Variants in CCM2 observed in about 807,000 individuals in gnomAD.
CCM2 encodes the protein cerebral cavernous malformations 2 protein.
A neutral mutation model predicts 44.9 loss-of-function variants in CCM2; 25 were observed. That is an observed-to-expected ratio of 0.56 (90% confidence interval 0.41 to 0.78). The LOEUF (loss-of-function observed/expected upper bound fraction) is 0.78. Ranked by LOEUF, CCM2 falls within the 30% of genes least tolerant of loss-of-function variation. The probability of loss-of-function intolerance (pLI) is 0.00; values close to 1 mark genes in which losing one functional copy is unlikely to be tolerated. For synonymous variants in CCM2, 219 were observed against 241.1 expected, an observed-to-expected ratio of 0.91 and a Z score of 0.85; for missense variants, 481 against 580.6, an observed-to-expected ratio of 0.83 and a Z score of 1.76.
intron 3 of CCM2, 81 bp downstream of exon 3, chr7:45,064,082 G>T: frequency 2.0e-6 from 2 of 985,968 alleles, no homozygotes; most frequent in Non-Finnish European, 1.6e-6. Context: ...CCTCGTGGCT[G>T]TGAGGAATGA....
At chr7:45,028,443 G>A (rs891611993) in intron 1 of CCM2, among the ~76,000 whole-genome samples, 5 of 152,136 alleles carry the variant, frequency 3.3e-5, no homozygotes, top group Admixed American at 2.0e-4. Flanking sequence ...GGATCAGGAG[G>A]TCAGGAGATC....
intron 1 of CCM2, among the ~76,000 whole-genome samples, chr7:45,028,333 G>A (rs1362274657): frequency 2.0e-5 from 3 of 152,124 alleles, no homozygotes; most frequent in Admixed American, 2.0e-4. Flanking sequence ...GCAAACAGGC[G>A]GTAGTGGGCA....
intron 1 of CCM2, among the ~76,000 whole-genome samples, chr7:45,010,279 C>T (rs1299996823): frequency 6.6e-6 from 1 of 152,116 alleles, no homozygotes; most frequent in Non-Finnish European, 1.5e-5. Context: ...TAACTGAAAC[C>T]CCTACTAAGA....
chr7:45,041,714 C>A (rs958353911), intron 2 of CCM2, among the ~76,000 whole-genome samples: 4 of 152,202 alleles, frequency 2.6e-5, no homozygotes, highest in African/African-American at 9.7e-5. Flanking sequence ...CCACTTACTC[C>A]TCCAGAGAAA....
At chr7:45,054,859 T>C (rs1562897757) in intron 2 of CCM2, among the ~76,000 whole-genome samples, 2 of 152,220 alleles carry the variant, frequency 1.3e-5, no homozygotes. Flanking sequence ...GGAGACAGGG[T>C]TCCCCAGGGC....
At chr7:45,021,711 A>T (rs973567932) in intron 1 of CCM2, among the ~76,000 whole-genome samples, 1 of 151,728 alleles carries the variant, frequency 6.6e-6, no homozygotes, top group Admixed American at 6.6e-5. Flanking sequence ...GCTGAGGAGG[A>T]GAATGGGGCA....
intron 1 of CCM2, among the ~76,000 whole-genome samples, chr7:45,036,240 T>C (rs1484063279): frequency 6.6e-6 from 1 of 152,136 alleles, no homozygotes; most frequent in Non-Finnish European, 1.5e-5. Flanking sequence ...CTTTCTGTTG[T>C]GTTTTTTGTT....
intron 1 of CCM2, among the ~76,000 whole-genome samples, chr7:45,023,123 A>G (rs1214856101): frequency 6.6e-6 from 1 of 151,680 alleles, no homozygotes; most frequent in Non-Finnish European, 1.5e-5. Flanking sequence ...CCTCCCTCCC[A>G]CTTTCTCCCT....
intron 1 of CCM2, among the ~76,000 whole-genome samples, chr7:45,005,184 C>T (rs1795796976): frequency 6.6e-6 from 1 of 152,108 alleles, no homozygotes; most frequent in African/African-American, 2.4e-5. Context: ...GAGAACCAGG[C>T]AGGAGGTGCT....
chr7:45,059,291 TAA>T (rs1376997687), intron 2 of CCM2, among the ~76,000 whole-genome samples: 4 of 151,976 alleles, frequency 2.6e-5, no homozygotes, highest in African/African-American at 9.7e-5. Flanking sequence ...ATTTTTTGTT[TAA>T]AAGTTTTGGC....
At chr7:45,052,152 G>T (rs993504847) in intron 2 of CCM2, among the ~76,000 whole-genome samples, 1 of 152,238 alleles carries the variant, frequency 6.6e-6, no homozygotes, top group Non-Finnish European at 1.5e-5. Context: ...AGCTGCTGCA[G>T]GCAGGAGAGG....
intron 1 of CCM2, chr7:45,027,915 T>G: frequency 1.9e-6 from 2 of 1,030,324 alleles, no homozygotes. Context: ...GGTAGCCCAG[T>G]CTCCATGACC....
chr7:45,028,901 T>C (rs1051489007), intron 1 of CCM2, among the ~76,000 whole-genome samples: 1 of 152,128 alleles, frequency 6.6e-6, no homozygotes, highest in Non-Finnish European at 1.5e-5. Flanking sequence ...TTCTTTGTCA[T>C]GGAGCTTGTA....
intron 1 of CCM2, among the ~76,000 whole-genome samples, chr7:45,022,475 T>G (rs1318363473): frequency 6.7e-6 from 1 of 149,410 alleles, no homozygotes; most frequent in Non-Finnish European, 1.5e-5. Context: ...CCCGGCTAAT[T>G]TTTTGTATTT....
chr7:45,054,486 TAAAAAA>T (rs35483777), intron 2 of CCM2, among the ~76,000 whole-genome samples: 2 of 147,272 alleles, frequency 1.4e-5, no homozygotes, highest in Non-Finnish European at 3.0e-5. Context: ...GGATCAATAT[TAAAAAA>T]AAAAACACTT....
At chr7:45,030,015 G>A (rs1215109945) in intron 1 of CCM2, among the ~76,000 whole-genome samples, 2 of 152,164 alleles carry the variant, frequency 1.3e-5, no homozygotes, top group Non-Finnish European at 2.9e-5. Flanking sequence ...TTTGCACAGC[G>A]CTGCATGGTG....
In CCM2 at chr7:45,061,438, C is replaced by T. The variant is rs185649911; in HGVS notation, c.205-2480C>T. 4.5e-3 allele frequency among the ~76,000 whole-genome samples: 674 copies of T among 149,286 alleles called. 3 individuals carry two copies. The highest frequency in any genetic ancestry group is 0.015 in the African/African-American group (603 of 40,596). ...GGATAACAGAATGCTCTGGTCATGC[C>T]TTTTTCTTTCTTTCTTTCTTTTTTT... On this transcript the variant is annotated intron_variant, in intron 2 of 9. Coordinates refer to ENST00000258781, the MANE Select transcript of CCM2 (RefSeq NM_031443.4).
At position 45,000,234 on chromosome 7, in the gene CCM2, G is replaced by A; in HGVS notation, c.-100G>A. The A allele has an allele frequency of 1.3e-6, 1 of 754,382 alleles. No homozygotes were observed. Among genetic ancestry groups the A allele is most frequent in the South Asian group, 5.8e-5 (1 of 17,184 alleles). 46.7% of individuals were successfully genotyped at this position (754,382 alleles called of 1,614,324 possible). ...CGGGCCCGGCTGGCGGGCGGCGCCG[G>A]GAGCGCGGGGGCGGCGGGCCCGGGT... On this transcript the variant is annotated 5_prime_UTR_variant, in exon 1 of 10. Transcript: ENST00000258781.
chr7:45,004,059 A>G (rs775751052), intron 1 of CCM2, among the ~76,000 whole-genome samples: 15 of 152,142 alleles, frequency 9.9e-5, no homozygotes, highest in Non-Finnish European at 1.9e-4. Context: ...GCATGCCTGT[A>G]GTTCCAGCTA....
Sources: gnomAD v4.1 joint callset for allele counts (sites outside exome capture counted in the v4.1 genomes callset) on GRCh38, gnomAD v4.1.1 for gene constraint, MANE v1.5 for transcripts, NCBI Gene and HGNC (gene_info 2026-07-23, HGNC 2026-07-21) for gene names.